TSHZ2: variants seen among roughly 807,000 people sequenced by gnomAD.
The protein encoded by TSHZ2 is teashirt zinc finger homeobox 2.
In TSHZ2, 21 loss-of-function variants were observed where a neutral mutation model predicts 74.4. That is an observed-to-expected ratio of 0.28 (90% CI 0.20 to 0.41). TSHZ2 has a LOEUF of 0.41. TSHZ2 is among the 10% of genes least tolerant of loss of function. TSHZ2 has a pLI of 1.00. For synonymous variants in TSHZ2, 540 were observed against 515.3 expected (o/e 1.05, Z -0.65); for missense variants, 1,244 against 1,293.5 (o/e 0.96, Z 0.59).
chr20:53,080,467 C>A (rs779095419), intron 1 of TSHZ2, among the ~76,000 whole-genome samples: 1 of 152,164 alleles, frequency 6.6e-6, no homozygotes, highest in Non-Finnish European at 1.5e-5. Flanking sequence ...GAGCAACAGT[C>A]CCCAACCTTT....
intron 1 of TSHZ2, among the ~76,000 whole-genome samples, chr20:53,090,653 C>T (rs1288742900): frequency 6.6e-6 from 1 of 152,198 alleles, no homozygotes; most frequent in Non-Finnish European, 1.5e-5. Flanking sequence ...TTGCAAGGGT[C>T]TCCGAGCCCA....
chr20:53,137,059 T>C (rs1987262524), intron 1 of TSHZ2, among the ~76,000 whole-genome samples: 2 of 152,090 alleles, frequency 1.3e-5, no homozygotes, highest in African/African-American at 4.8e-5. Context: ...TGTCCCTGTG[T>C]GGGGATGGCG....
intron 2 of TSHZ2, among the ~76,000 whole-genome samples, chr20:53,408,019 C>T (rs1481815611): frequency 1.3e-5 from 2 of 152,168 alleles, no homozygotes; most frequent in Non-Finnish European, 2.9e-5. Context: ...CACAGTTTGC[C>T]ACCCTGATTT....
At chr20:53,106,722 C>G (rs2123310181) in intron 1 of TSHZ2, among the ~76,000 whole-genome samples, 1 of 132,068 alleles carries the variant, frequency 7.6e-6, no homozygotes, top group South Asian at 2.4e-4. Context: ...TTTTTTGACA[C>G]AGAGTCCCTC....
intron 1 of TSHZ2, among the ~76,000 whole-genome samples, chr20:53,158,745 G>C (rs183869645): frequency 1.4e-3 from 209 of 152,202 alleles, no homozygotes; most frequent in Middle Eastern, 3.4e-3. Flanking sequence ...CCCCAACCAT[G>C]GAGGGACAAG....
chr20:53,287,674 A>G (rs1350662058), intron 2 of TSHZ2, among the ~76,000 whole-genome samples: 3 of 152,226 alleles, frequency 2.0e-5, no homozygotes, highest in Non-Finnish European at 4.4e-5. Context: ...AGTTACAGTG[A>G]GTGCCAGGGT....
At chr20:53,174,765 G>A (rs1372660235) in intron 1 of TSHZ2, among the ~76,000 whole-genome samples, 8 of 152,126 alleles carry the variant, frequency 5.3e-5, no homozygotes, top group Admixed American at 3.3e-4. Context: ...TCAAGTCCAC[G>A]GAGGGGCAGT....
intron 1 of TSHZ2, among the ~76,000 whole-genome samples, chr20:53,106,322 A>G (rs1385371792): frequency 7.9e-6 from 1 of 125,816 alleles, no homozygotes; most frequent in Non-Finnish European, 1.6e-5. Flanking sequence ...GTCATACTGT[A>G]TTTGTCTCTC....
At position 53,472,798 on chromosome 20, in the gene TSHZ2, G is replaced by A. The variant is rs552358634; in HGVS notation, c.*9-14346G>A. Among the ~76,000 whole-genome samples, 17 of 151,458 alleles carry A rather than the reference G, an allele frequency of 1.1e-4. No homozygotes were observed. The East Asian group carries it at 2.2e-3, about 19-fold the overall frequency. Reference sequence around the variant, plus strand: ...ACAGTGGGCGCAGGTCAGTGGGTGCGCGCACCGTGCGCGAGCCGAAGCAGG... The same window carrying A: ...ACAGTGGGCGCAGGTCAGTGGGTGCACGCACCGTGCGCGAGCCGAAGCAGG... On this transcript the variant is annotated intron_variant, in intron 2 of 2. Transcript: ENST00000371497.
At chr20:53,070,670 G>A (rs1985144339) in intron 1 of TSHZ2, among the ~76,000 whole-genome samples, 1 of 152,216 alleles carries the variant, frequency 6.6e-6, no homozygotes, top group Non-Finnish European at 1.5e-5. Context: ...GTGTGTATGT[G>A]TGTGTGTATT....
At chr20:53,318,511 C>T (rs1258398788) in intron 2 of TSHZ2, among the ~76,000 whole-genome samples, 2 of 152,244 alleles carry the variant, frequency 1.3e-5, no homozygotes, top group South Asian at 2.1e-4. Flanking sequence ...CATATCACTC[C>T]CAAACTAGCT....
chr20:53,225,254 A>T (rs1267433648), intron 1 of TSHZ2, among the ~76,000 whole-genome samples: 1 of 152,122 alleles, frequency 6.6e-6, no homozygotes, highest in African/African-American at 2.4e-5. Flanking sequence ...TTCTCTTCCC[A>T]CTCACCTCCT....
At chr20:53,169,719 T>C (rs1246893416) in intron 1 of TSHZ2, among the ~76,000 whole-genome samples, 1 of 152,224 alleles carries the variant, frequency 6.6e-6, no homozygotes, top group Non-Finnish European at 1.5e-5. Context: ...TTTATATCAG[T>C]TCTTCACAGT....
chr20:53,476,334 G>A (rs1276814065), intron 2 of TSHZ2, among the ~76,000 whole-genome samples: 1 of 145,288 alleles, frequency 6.9e-6, no homozygotes, highest in African/African-American at 2.6e-5. Flanking sequence ...CTTCATCCCT[G>A]GGATGCAAGG....
chr20:53,182,818 G>A (rs73620426), intron 1 of TSHZ2, among the ~76,000 whole-genome samples: 1 of 151,924 alleles, frequency 6.6e-6, no homozygotes, highest in Admixed American at 6.6e-5. Flanking sequence ...CTTTGAACAG[G>A]GATACAGCCT....
At chr20:53,101,666 C>G (rs1407558601) in intron 1 of TSHZ2, among the ~76,000 whole-genome samples, 2 of 152,188 alleles carry the variant, frequency 1.3e-5, no homozygotes, top group African/African-American at 4.8e-5. Flanking sequence ...TCTATTGAGT[C>G]ACATTGTAAT....
At chr20:53,446,407 CA>C (rs34010689) in intron 2 of TSHZ2, among the ~76,000 whole-genome samples, 42,949 of 127,250 alleles carry the variant, frequency 0.34, 6,918 homozygotes, top group East Asian at 0.42. Context: ...ACTAAAAATA[CA>C]AAAAAAAAAA....
intron 2 of TSHZ2, among the ~76,000 whole-genome samples, chr20:53,347,935 A>G (rs1188670962): frequency 6.6e-6 from 1 of 151,900 alleles, no homozygotes; most frequent in East Asian, 1.9e-4. Flanking sequence ...TATTTTCATG[A>G]CCCCGAAAAG....
intron 1 of TSHZ2, among the ~76,000 whole-genome samples, chr20:53,043,203 G>T (rs1326504082): frequency 1.3e-5 from 2 of 152,150 alleles, no homozygotes; most frequent in African/African-American, 4.8e-5. Context: ...AATGAAACTG[G>T]TAACAGTGGT....
Sources: allele counts gnomAD v4.1 joint callset (sites outside exome capture counted in the v4.1 genomes callset), GRCh38; gene constraint gnomAD v4.1.1; transcripts MANE v1.5; gene names NCBI Gene and HGNC (gene_info 2026-07-23, HGNC 2026-07-21).